The following YWHAQ variants were observed in gnomAD, a reference collection of about 807,000 sequenced individuals.
The protein encoded by YWHAQ is tyrosine 3-monooxygenase/tryptophan 5-monooxygenase activation protein theta, also known as 14-3-3 protein theta.
YWHAQ carries 6 observed loss-of-function variants against 28.3 expected under a neutral mutation model. The ratio of observed to expected loss-of-function variants is 0.21; its 90% CI spans 0.12 to 0.42. The LOEUF is 0.42. YWHAQ is among the 10% of genes least tolerant of loss of function. YWHAQ has a pLI of 1.00. For synonymous variants in YWHAQ, 143 were observed against 119.1 expected (o/e 1.20, Z -1.31); for missense variants, 201 against 305.6 (o/e 0.66, Z 2.55).
intron 3 of YWHAQ, among the ~76,000 whole-genome samples, chr2:9,589,113 T>TCAAA (rs962659200): frequency 6.6e-6 from 1 of 152,002 alleles, no homozygotes; most frequent in Non-Finnish European, 1.5e-5. Context: ...ACAGTTTGTC[T>TCAAA]CAAACAAACA....
chr2:9,595,256 C>G (rs1407510746), intron 2 of YWHAQ, among the ~76,000 whole-genome samples: 1 of 152,206 alleles, frequency 6.6e-6, no homozygotes, highest in African/African-American at 2.4e-5. Context: ...CCCAAATAAT[C>G]AAGTCTGTAT....
intron 2 of YWHAQ, among the ~76,000 whole-genome samples, chr2:9,618,619 G>A (rs573279207): frequency 1.3e-5 from 2 of 151,848 alleles, no homozygotes; most frequent in Admixed American, 1.3e-4. Context: ...AGACCCTCTT[G>A]CCTCAACCGC....
intron 2 of YWHAQ, among the ~76,000 whole-genome samples, chr2:9,616,186 T>G (rs1437387790): frequency 6.6e-6 from 1 of 152,150 alleles, no homozygotes; most frequent in African/African-American, 2.4e-5. Flanking sequence ...ATATTTTCTA[T>G]AAGTGTGAGA....
At chr2:9,606,539 A>G (rs113937820) in intron 2 of YWHAQ, among the ~76,000 whole-genome samples, 25,286 of 150,890 alleles carry the variant, frequency 0.17, 2,381 homozygotes, top group Middle Eastern at 0.24. Flanking sequence ...GTGTGTGTGT[A>G]TATTTTTTGA....
rs557541708 is a variant in YWHAQ at position 9,630,965 on chromosome 2, C to G, written c.-107G>C. The G allele has an allele frequency of 6.5e-6, 1 of 152,854 alleles. No homozygotes were observed. Among genetic ancestry groups the G allele is most frequent in the East Asian group, 1.9e-4 (1 of 5,160 alleles). 9.5% of individuals were successfully genotyped at this position (152,854 alleles called of 1,614,324 possible). On this transcript the variant is annotated 5_prime_UTR_variant, in exon 1 of 6. Transcript: ENST00000238081. The surrounding 1 kb of genome is among the most constrained non-coding windows in gnomAD (Gnocchi z 5.6). ...CCTTCACGTCTCCGCGGCCGCGACGCGAGTCCCACCACTTTGATCTGCTTT... is the reference window on the plus strand; with the variant it reads ...CCTTCACGTCTCCGCGGCCGCGACGGGAGTCCCACCACTTTGATCTGCTTT...
intron 2 of YWHAQ, among the ~76,000 whole-genome samples, chr2:9,616,392 C>A (rs1397902519): frequency 6.6e-6 from 1 of 151,146 alleles, no homozygotes. Context: ...ATCTTCATGA[C>A]CTTGGACTAG....
chr2:9,585,555 GACATACAT>G (rs552606855), intron 5 of YWHAQ, among the ~76,000 whole-genome samples: 149 of 152,070 alleles, frequency 9.8e-4, no homozygotes, highest in Non-Finnish European at 1.8e-3. Flanking sequence ...CTTACAAAAT[GACATACAT>G]ACATACATAC....
chr2:9,613,947 T>C (rs900745015), intron 2 of YWHAQ, among the ~76,000 whole-genome samples: 3 of 152,208 alleles, frequency 2.0e-5, no homozygotes, highest in Non-Finnish European at 4.4e-5. Context: ...GGCAATAAAG[T>C]AAGGGTATGG....
Position 9,630,058 on chromosome 2 carries a change from G to A in YWHAQ, c.294+101C>T. The A allele has an allele frequency of 6.7e-7, 1 of 1,487,364 alleles. No individual in the cohort carries two copies. The highest frequency in any genetic ancestry group is 9.1e-7 in the Non-Finnish European group (1 of 1,097,280). 92.1% of individuals were successfully genotyped at this position (1,487,364 alleles called of 1,614,324 possible). ...CTAAAACCCTCCACCCCAGCAGACA[G>A]TCCGGCAAGCCCCGGCTCACGTTTG... On this transcript the variant is annotated intron_variant, in intron 2 of 5. Transcript: ENST00000238081. This position sits in a 1 kb window ranked among gnomAD's most constrained non-coding sequence, Gnocchi z 5.6.
chr2:9,594,228 G>C (rs1666522688), intron 2 of YWHAQ, among the ~76,000 whole-genome samples: 1 of 152,020 alleles, frequency 6.6e-6, no homozygotes, highest in Non-Finnish European at 1.5e-5. Context: ...CAGTTTTTCA[G>C]AATTTATTGT....
chr2:9,630,934 C>G lies in YWHAQ; in HGVS notation c.-83+7G>C, dbSNP rs1490861441. 6 of 152,758 alleles carry G rather than the reference C, an allele frequency of 3.9e-5. No homozygotes were observed. The highest frequency in any genetic ancestry group is 6.5e-5 in the Admixed American group (1 of 15,290). The allele number at this position is 152,758 out of a possible 1,614,324, so 9.5% of individuals were successfully genotyped here. A position where few individuals can be genotyped will look rare whatever the true frequency, so the allele number is the denominator to read the frequency against. On this transcript the variant is annotated splice_region_variant and intron_variant, in intron 1 of 5. Coordinates refer to ENST00000238081, the MANE Select transcript of YWHAQ (RefSeq NM_006826.4). The surrounding 1 kb of genome is among the most constrained non-coding windows in gnomAD (Gnocchi z 5.6). ...GAGGAAGCCCGCGGGCCGACCCAGG[C>G]GCTCACCTTCACGTCTCCGCGGCCG...
At chr2:9,629,819 CA>C (rs1055260840) in intron 2 of YWHAQ, among the ~76,000 whole-genome samples, 2 of 152,314 alleles carry the variant, frequency 1.3e-5, no homozygotes, top group Non-Finnish European at 2.9e-5. Context: ...CGACTGAATA[CA>C]TTTAAAGGGC....
rs569536982 is a variant in YWHAQ, at chr2:9,617,029, C to T, written c.294+13130G>A. On this transcript the variant is annotated intron_variant, in intron 2 of 5. Transcript: ENST00000238081. ...AGGCTGGAGTGCAGTGGAGTGATCTCGGCTCACTGCAAGCTCCGCCTCCTG... is the reference window on the plus strand; with the variant it reads ...AGGCTGGAGTGCAGTGGAGTGATCTTGGCTCACTGCAAGCTCCGCCTCCTG... Among the ~76,000 whole-genome samples, 12 of 152,144 alleles carry T rather than the reference C, an allele frequency of 7.9e-5. No homozygotes were observed. In the South Asian group the frequency reaches 1.9e-3, roughly 24 times the overall value.
intron 2 of YWHAQ, chr2:9,628,671 C>T: frequency 6.6e-6 from 1 of 152,156 alleles, no homozygotes; most frequent in Non-Finnish European, 1.5e-5. Flanking sequence ...CAGCCATTAC[C>T]ATATGTTACT....
At chr2:9,612,876 C>T (rs372712462) in intron 2 of YWHAQ, among the ~76,000 whole-genome samples, 19 of 152,200 alleles carry the variant, frequency 1.2e-4, no homozygotes, top group African/African-American at 4.1e-4. Context: ...CAACTACAGC[C>T]TCTTGTTGAT....
chr2:9,624,541 C>T lies in YWHAQ; in HGVS notation c.294+5618G>A, dbSNP rs111943023. 3.6e-3 allele frequency among the ~76,000 whole-genome samples: 541 copies of T among 152,152 alleles called. 5 individuals are homozygous for T. Among genetic ancestry groups the T allele is most frequent in the African/African-American group, 0.012 (506 of 41,494 alleles). The stretch of plus-strand genomic sequence containing the variant: ...TTGGCATGGGGGGGGCTGGGGTCTT[C>T]GTTGGGGAGTGTCCTGTGCACCGCA... On this transcript the variant is annotated intron_variant, in intron 2 of 5. Coordinates refer to ENST00000238081, the MANE Select transcript of YWHAQ (RefSeq NM_006826.4).
chr2:9,626,396 A>G (rs1272019955), intron 2 of YWHAQ, among the ~76,000 whole-genome samples: 3 of 152,164 alleles, frequency 2.0e-5, no homozygotes, highest in Admixed American at 2.0e-4. Flanking sequence ...GTTCTTCTTA[A>G]TGACTCCTAA....
chr2:9,620,243 T>C (rs1667117825), intron 2 of YWHAQ, among the ~76,000 whole-genome samples: 1 of 152,214 alleles, frequency 6.6e-6, no homozygotes, highest in South Asian at 2.1e-4. Context: ...GGAGACAGAA[T>C]GTTCAAATGA....
chr2:9,601,481 A>C (rs1477228541), intron 2 of YWHAQ, among the ~76,000 whole-genome samples: 1 of 152,188 alleles, frequency 6.6e-6, no homozygotes, highest in Non-Finnish European at 1.5e-5. Context: ...AAACAAACAA[A>C]CAAAAAATAT....
Sources: gnomAD v4.1 joint callset for allele counts (sites outside exome capture counted in the v4.1 genomes callset) on GRCh38, gnomAD v4.1.1 for gene constraint, Gnocchi (gnomAD v3.1) non-coding constraint, MANE v1.5 for transcripts, NCBI Gene and HGNC (gene_info 2026-07-23, HGNC 2026-07-21) for gene names.